The following MMP15 variants were observed in gnomAD, a reference collection of about 807,000 sequenced individuals.
MMP15 encodes the protein matrix metallopeptidase 15.
Under a neutral mutation model 65.0 loss-of-function variants are expected in MMP15, and 36 were observed. That is an observed-to-expected ratio of 0.55 (90% confidence interval 0.42 to 0.73). The LOEUF (loss-of-function observed/expected upper bound fraction) is 0.73. Among genes scored for constraint, MMP15 ranks in the 30% least tolerant of loss-of-function variants. MMP15 has a pLI of 0.00. For missense variants in MMP15, 870 were observed against 987.8 expected, an observed-to-expected ratio of 0.88 and a Z score of 1.60; for synonymous variants, 428 against 410.2, an observed-to-expected ratio of 1.04 and a Z score of -0.52.
chr16:58,034,073 C>T (rs1191224458), intron 1 of MMP15, among the ~76,000 whole-genome samples: 3 of 152,226 alleles, frequency 2.0e-5, no homozygotes, highest in Non-Finnish European at 4.4e-5. Context: ...CAAATTCTGC[C>T]GTACTCTGCC....
chr16:58,041,037 C>T (rs7192186), intron 5 of MMP15, among the ~76,000 whole-genome samples: 170 of 152,310 alleles, frequency 1.1e-3, no homozygotes, highest in African/African-American at 3.8e-3. Context: ...CCCCTTCCAC[C>T]GTCACTCCCA....
At chr16:58,027,819 G>A (rs970538854) in intron 1 of MMP15, among the ~76,000 whole-genome samples, 2 of 152,248 alleles carry the variant, frequency 1.3e-5, no homozygotes, top group African/African-American at 4.8e-5. Flanking sequence ...AGGCCCTGGT[G>A]GGAGGCAGGA....
At chr16:58,038,451 C>T (rs1959381254) in intron 3 of MMP15, 57 bp downstream of exon 3, 1 of 1,604,160 alleles carries the variant, frequency 6.2e-7, no homozygotes, top group Non-Finnish European at 8.5e-7. Flanking sequence ...GAGCCTCAGA[C>T]CTCCTTTCCC....
chr16:58,026,391 C>A lies in MMP15; in HGVS notation c.41C>A (p.Thr14Lys). The A allele has an allele frequency of 7.1e-7, 1 of 1,404,568 alleles. No homozygotes were observed. Among genetic ancestry groups the A allele is most frequent in the South Asian group, 1.5e-5 (1 of 64,902 alleles). The allele number at this position is 1,404,568 out of a possible 1,614,324, so 87.0% of individuals were successfully genotyped here. The change falls in exon 1 of 10, where the codon ACG becomes AAG. Residue 14 changes from threonine (T) to lysine (K), a missense_variant. Thr to Lys is a moderately conservative substitution (Grantham distance 78). Transcript: ENST00000219271. ...DPSAPGRPGWTGSLLGDREEA... is the reference protein window; with the variant it reads ...DPSAPGRPGWKGSLLGDREEA... ...AGCGCGCCCGGACGGCCGGGCTGGA[C>A]GGGCAGCCTCCTCGGCGACCGGGAG...
In MMP15 at chr16:58,045,239, T is replaced by C. The variant is rs1250733637; in HGVS notation, c.1803T>C (p.Phe601=). 6 of 1,604,684 alleles carry C rather than the reference T, an allele frequency of 3.7e-6. No homozygotes were observed. The highest frequency in any genetic ancestry group is 3.4e-5 in the South Asian group (3 of 89,156). ...EGDVGDGDGD[F]GAGVNKDGGS... ...ACGTGGGGGATGGGGATGGGGACTTTGGGGCCGGGGTCAACAAGGACGGGG... is the reference window on the plus strand; with the variant it reads ...ACGTGGGGGATGGGGATGGGGACTTCGGGGCCGGGGTCAACAAGGACGGGG... The change falls in exon 10 of 10, where the codon TTT becomes TTC. Residue 601 remains phenylalanine, a synonymous_variant. Transcript: ENST00000219271.
intron 1 of MMP15, among the ~76,000 whole-genome samples, chr16:58,030,129 A>G (rs1276858510): frequency 6.6e-6 from 1 of 152,232 alleles, no homozygotes; most frequent in East Asian, 1.9e-4. Context: ...ACACTCCAGC[A>G]GGAGCAATGC....
chr16:58,034,722 T>C (rs936652477), intron 1 of MMP15, among the ~76,000 whole-genome samples: 10 of 152,274 alleles, frequency 6.6e-5, no homozygotes, highest in African/African-American at 2.4e-4. Flanking sequence ...GGGTTCAAGC[T>C]TGGCTGATAG....
At chr16:58,039,843 C>T in intron 3 of MMP15, 32 bp from the exon 4 acceptor site, 1 of 1,564,720 alleles carries the variant, frequency 6.4e-7, no homozygotes, top group Non-Finnish European at 8.7e-7. Context: ...CTTGGCCCTG[C>T]ATCCGCTCAC....
intron 2 of MMP15, among the ~76,000 whole-genome samples, chr16:58,038,047 G>A (rs1369136015): frequency 6.6e-6 from 1 of 152,232 alleles, no homozygotes; most frequent in African/African-American, 2.4e-5. Flanking sequence ...GTGATAAGGA[G>A]AGAAGGGCTC....
In MMP15 at chr16:58,041,612, T is replaced by G. The variant is rs1169940267; in HGVS notation, c.911-5T>G. The stretch of plus-strand genomic sequence containing the variant: ...CCTCACTTCTGAACCCCTGCCTCTC[T>G]GCAGGTACCCCAGACGGTCAGCCAC... On this transcript the variant is annotated splice_polypyrimidine_tract_variant and splice_region_variant and intron_variant, in intron 5 of 9. Coordinates refer to ENST00000219271, the MANE Select transcript of MMP15 (RefSeq NM_002428.4). 1 of 1,571,512 alleles carries G rather than the reference T, an allele frequency of 6.4e-7. No individual in the cohort carries two copies. Among genetic ancestry groups the G allele is most frequent in the Non-Finnish European group, 8.6e-7 (1 of 1,159,526 alleles).
At chr16:58,037,003 A>G (rs544190418) in intron 1 of MMP15, among the ~76,000 whole-genome samples, 4 of 152,290 alleles carry the variant, frequency 2.6e-5, no homozygotes, top group East Asian at 1.9e-4. Context: ...GTCAGAGAAG[A>G]CCTCTTAGAT....
chr16:58,042,438 GAGA>G, intron 7 of MMP15, 69 bp downstream of exon 7: 1 of 1,577,318 alleles, frequency 6.3e-7, no homozygotes, highest in African/African-American at 1.3e-5. Flanking sequence ...CTGGATCTGA[GAGA>G]AGAGGAGGTG....
chr16:58,034,138 C>T (rs909016019), intron 1 of MMP15, among the ~76,000 whole-genome samples: 5 of 152,348 alleles, frequency 3.3e-5, no homozygotes, highest in East Asian at 1.9e-4. Flanking sequence ...AAGCTTCACC[C>T]GCTTGGCTCA....
At position 58,041,627 on chromosome 16, in the gene MMP15, C is replaced by A; in HGVS notation, c.921C>A (p.Asp307Glu). 6.4e-7 allele frequency: 1 copy of A among 1,574,102 alleles called. No individual in the cohort carries two copies. Among genetic ancestry groups the A allele is most frequent in the Non-Finnish European group, 8.6e-7 (1 of 1,161,070 alleles). ...RGIQQLYGTPDGQPQPTQPLP... is the reference protein window; with the variant it reads ...RGIQQLYGTPEGQPQPTQPLP... ...CCTGCCTCTCTGCAGGTACCCCAGA[C>A]GGTCAGCCACAGCCTACCCAGCCTC... The change falls in exon 6 of 10, where the codon GAC (aspartate) becomes GAA (glutamate). Residue 307 changes from aspartate (D) to glutamate (E), a missense_variant. Coordinates refer to ENST00000219271, the MANE Select transcript of MMP15 (RefSeq NM_002428.4).
intron 1 of MMP15, among the ~76,000 whole-genome samples, chr16:58,027,024 G>GC (rs1963829581): frequency 6.6e-6 from 1 of 152,268 alleles, no homozygotes; most frequent in Non-Finnish European, 1.5e-5. Context: ...GCCGCGCACG[G>GC]CGGGCCAGGA....
intron 1 of MMP15, among the ~76,000 whole-genome samples, chr16:58,029,091 G>T (rs1963862918): frequency 2.0e-5 from 3 of 152,316 alleles, no homozygotes; most frequent in Admixed American, 2.0e-4. Context: ...GTTCACAGGG[G>T]TGGTGCCACC....
intron 1 of MMP15, among the ~76,000 whole-genome samples, chr16:58,031,501 G>C (rs1963888802): frequency 6.6e-6 from 1 of 152,132 alleles, no homozygotes; most frequent in Non-Finnish European, 1.5e-5. Context: ...CCCAAGGCCG[G>C]GCCCCCAGCC....
Position 58,045,773 on chromosome 16 carries a change from C to T in MMP15, c.*327C>T, listed in dbSNP as rs574688858. The T allele has an allele frequency of 3.5e-5, 12 of 340,208 alleles. No individual in the cohort carries two copies. The highest frequency in any genetic ancestry group is 2.4e-4 in the African/African-American group (11 of 46,186). 21.1% of individuals were successfully genotyped at this position (340,208 alleles called of 1,614,324 possible). A position where few individuals can be genotyped will look rare whatever the true frequency, so the allele number is the denominator to read the frequency against. On this transcript the variant is annotated 3_prime_UTR_variant, in exon 10 of 10. Transcript: ENST00000219271. ...GCAGAGGCCCACATTGGAAGAGCAGCACCTCCTCAGCCTGAACCCCAGGGC... is the reference window on the plus strand; with the variant it reads ...GCAGAGGCCCACATTGGAAGAGCAGTACCTCCTCAGCCTGAACCCCAGGGC...
chr16:58,029,820 AAAG>A (rs1446346829), intron 1 of MMP15, among the ~76,000 whole-genome samples: 1 of 151,834 alleles, frequency 6.6e-6, no homozygotes, highest in East Asian at 1.9e-4. Context: ...CCCACCCCCA[AAAG>A]AAGACTTTCC....
Sources: gnomAD v4.1 joint callset for allele counts (sites outside exome capture counted in the v4.1 genomes callset) on GRCh38, gnomAD v4.1.1 for gene constraint, MANE v1.5 for transcripts, NCBI Gene and HGNC (gene_info 2026-07-23, HGNC 2026-07-21) for gene names.